The following GARNL3 variants were observed in gnomAD, a reference collection of about 807,000 sequenced individuals.
The protein encoded by GARNL3 is GTPase activating Rap/RanGAP domain like 3, also known as GTPase-activating Rap/Ran-GAP domain-like protein 3.
A neutral mutation model predicts 125.0 loss-of-function variants in GARNL3; 63 were observed. The observed-to-expected ratio is 0.50, with a 90% confidence interval of 0.41 to 0.62. GARNL3 has a LOEUF of 0.62. GARNL3 is among the 20% of genes least tolerant of loss of function. The pLI is 0.00. For missense variants in GARNL3, 994 were observed against 1,244.0 expected, an observed-to-expected ratio of 0.80 and a Z score of 3.02; for synonymous variants, 439 against 457.5, an observed-to-expected ratio of 0.96 and a Z score of 0.52.
chr9:127,224,993 A>G (rs1588643189), intron 1 of GARNL3, among the ~76,000 whole-genome samples: 1 of 45,456 alleles, frequency 2.2e-5, no homozygotes, highest in Non-Finnish European at 4.3e-5. Context: ...TGGAGTTGGG[A>G]GCGGGGCCGG....
chr9:127,264,964 A>G lies in GARNL3; in HGVS notation c.87A>G (p.Glu29=), dbSNP rs146056128. 79 of 1,613,362 alleles carry G rather than the reference A, an allele frequency of 4.9e-5. 1 individual carries two copies. In the African/African-American group the frequency reaches 9.6e-4, roughly 20 times the overall value. The part of the protein sequence containing the change: ...MKHFCSSSVS[E]DLGCRRGDFS... Reference sequence around the variant, plus strand: ...ATTTTTGTTCCAGCTCTGTCTCGGAAGACCTAGGCTGTAGACGTGGGGATT... The same window carrying G: ...ATTTTTGTTCCAGCTCTGTCTCGGAGGACCTAGGCTGTAGACGTGGGGATT... The change falls in exon 1 of 28, where the codon GAA becomes GAG. Residue 29 remains glutamate (E), a synonymous_variant. Coordinates refer to ENST00000373387, the MANE Select transcript of GARNL3 (RefSeq NM_032293.5).
chr9:127,357,343 A>G lies in GARNL3; in HGVS notation c.2060A>G (p.Glu687Gly), dbSNP rs370268244. 6.2e-7 allele frequency: 1 copy of G among 1,614,140 alleles called. No homozygotes were observed. Among genetic ancestry groups the G allele is most frequent in the Non-Finnish European group, 8.5e-7 (1 of 1,180,032 alleles). ...GATGTGGTGAATGAGAGCACAGGAG[A>G]AGCCTTCAGGCTGCACCACGTGGAG... ...QFDVVNESTGEAFRLHHVEAN... is the reference protein window; with the variant it reads ...QFDVVNESTGGAFRLHHVEAN... The change falls in exon 21 of 28, where the codon GAA becomes GGA. Residue 687 changes from glutamate to glycine, a missense_variant. This residue lies in a region of GARNL3 where 728 missense variants were observed against 865.7 expected (regional missense o/e 0.84). Transcript: ENST00000373387.
intron 19 of GARNL3, among the ~76,000 whole-genome samples, 189 bp from the exon 20 acceptor site, chr9:127,355,108 T>C (rs1053446973): frequency 6.6e-6 from 1 of 152,220 alleles, no homozygotes; most frequent in Admixed American, 6.5e-5. Flanking sequence ...TAGGACTTTC[T>C]TAATTTTCCT....
chr9:127,342,892 C>CTTTTTT (rs59554997), intron 14 of GARNL3, among the ~76,000 whole-genome samples: 3 of 81,584 alleles, frequency 3.7e-5, no homozygotes, highest in Non-Finnish European at 5.2e-5. Flanking sequence ...GTGCTCTTTT[C>CTTTTTT]TTTTTTTTTT....
chr9:127,291,053 T>C (rs2064400152), intron 1 of GARNL3, 115 bp from the exon 2 acceptor site: 2 of 1,026,488 alleles, frequency 1.9e-6, no homozygotes, highest in African/African-American at 1.6e-5. Flanking sequence ...ACTGTTAGCT[T>C]CTAGGCTGGG....
intron 17 of GARNL3, among the ~76,000 whole-genome samples, chr9:127,353,027 C>G (rs1056297544): frequency 1.3e-5 from 2 of 152,230 alleles, no homozygotes; most frequent in Middle Eastern, 3.4e-3. Flanking sequence ...AATGGAACAG[C>G]CTTAGTAATT....
chr9:127,360,243 A>G (rs1379706426), intron 21 of GARNL3, among the ~76,000 whole-genome samples: 1 of 152,072 alleles, frequency 6.6e-6, no homozygotes, highest in Non-Finnish European at 1.5e-5. Flanking sequence ...GGATGGTCTC[A>G]ATCTCCTGAC....
upstream of GARNL3, chr9:127,263,739 G>T: frequency 1.7e-6 from 2 of 1,194,298 alleles, no homozygotes; most frequent in South Asian, 7.8e-5. Context: ...CCCATTTTCA[G>T]CTAAGAGAGG....
intron 21 of GARNL3, chr9:127,363,876 T>G (rs1019534803): frequency 6.6e-6 from 1 of 152,252 alleles, no homozygotes; most frequent in Non-Finnish European, 1.5e-5. Flanking sequence ...TAGCCTTCAC[T>G]GAGTGCTCAT....
chr9:127,390,766 A>G lies in GARNL3; in HGVS notation c.2869A>G (p.Arg957Gly). Residue 957 changes from arginine (R) to glycine (G), a missense_variant and splice_region_variant, in exon 27 of 28, where the codon AGG (arginine) becomes GGG (glycine). Coordinates refer to ENST00000373387, the MANE Select transcript of GARNL3 (RefSeq NM_032293.5). ...PGAVRSSSSDRIPSGSLESAS... is the reference protein window; with the variant it reads ...PGAVRSSSSDGIPSGSLESAS... ...GGCAGTGAGGTCATCTAGCAGTGAC[A>G]GGTAAAGAGAGGGAGAGGCCCCTGC... 9 of 1,612,604 alleles carry G rather than the reference A, an allele frequency of 5.6e-6. No homozygotes were observed. The highest frequency in any genetic ancestry group is 7.6e-6 in the Non-Finnish European group (9 of 1,179,142).
chr9:127,340,307 C>CG (rs1334114294), intron 13 of GARNL3, among the ~76,000 whole-genome samples: 1 of 152,144 alleles, frequency 6.6e-6, no homozygotes, highest in East Asian at 1.9e-4. Context: ...CCCAAATACC[C>CG]GACTCTGAGG....
In GARNL3 at chr9:127,246,072, G is replaced by A. The variant is rs985247911; in HGVS notation, c.143+2823G>A. Reference sequence around the variant, plus strand: ...CAGTACCTCAAAGACCTACTTTGAAGTTGGTGCTTCTTAGGGAGTGGTGGG... The same window carrying A: ...CAGTACCTCAAAGACCTACTTTGAAATTGGTGCTTCTTAGGGAGTGGTGGG... On this transcript the variant is annotated intron_variant, in intron 2 of 10. Transcript: ENST00000439286. Among the ~76,000 whole-genome samples, 5 of 152,338 alleles carry A rather than the reference G, an allele frequency of 3.3e-5. No homozygotes were observed. In the East Asian group the frequency reaches 9.6e-4, roughly 29 times the overall value.
In GARNL3 at chr9:127,284,622, G is replaced by T. The variant is rs570084618; in HGVS notation, c.145-6546G>T. ...TTTTTTGTTTGATAATAAAAGCATT[G>T]AAAATGTGAATTTTTCTGTAAATAT... On this transcript the variant is annotated intron_variant, in intron 1 of 27. Coordinates refer to ENST00000373387, the MANE Select transcript of GARNL3 (RefSeq NM_032293.5). 2.6e-5 allele frequency among the ~76,000 whole-genome samples: 4 copies of T among 151,846 alleles called. No individual in the cohort carries two copies. The South Asian group carries it at 8.4e-4, about 32-fold the overall frequency.
chr9:127,349,172 T>C (rs894185962), intron 17 of GARNL3, 137 bp downstream of exon 17: 29 of 676,158 alleles, frequency 4.3e-5, no homozygotes, highest in Non-Finnish European at 6.6e-5. Flanking sequence ...TATTTCCTTA[T>C]GAAATTAAAC....
chr9:127,338,409 G>T (rs967619743), intron 12 of GARNL3, among the ~76,000 whole-genome samples: 1 of 152,114 alleles, frequency 6.6e-6, no homozygotes, highest in Non-Finnish European at 1.5e-5. Flanking sequence ...ATGGGAACAG[G>T]TTTGATATAT....
At chr9:127,346,987 C>G (rs970696564) in intron 16 of GARNL3, among the ~76,000 whole-genome samples, 5 of 152,220 alleles carry the variant, frequency 3.3e-5, no homozygotes, top group African/African-American at 1.2e-4. Flanking sequence ...CAAACACTGT[C>G]TGTCGTCAGA....
chr9:127,340,193 CAT>C (rs2131602607), intron 13 of GARNL3, among the ~76,000 whole-genome samples: 1 of 152,236 alleles, frequency 6.6e-6, no homozygotes, highest in Non-Finnish European at 1.5e-5. Flanking sequence ...CACCCATGCA[CAT>C]GTGTGGGAAA....
chr9:127,248,495 G>T (rs1447253908), intron 2 of GARNL3, among the ~76,000 whole-genome samples: 3 of 151,968 alleles, frequency 2.0e-5, no homozygotes, highest in Non-Finnish European at 2.9e-5. Context: ...GTAAACTTGT[G>T]GGAAGTAGTA....
chr9:127,288,629 T>G (rs1466525740), intron 1 of GARNL3, among the ~76,000 whole-genome samples: 1 of 152,216 alleles, frequency 6.6e-6, no homozygotes, highest in Non-Finnish European at 1.5e-5. Flanking sequence ...CAAAGGGAGC[T>G]GAATTTCTTT....
Sources: allele counts gnomAD v4.1 joint callset (sites outside exome capture counted in the v4.1 genomes callset), GRCh38; gene constraint gnomAD v4.1.1; regional missense constraint gnomAD v4.1.1; transcripts MANE v1.5; gene names NCBI Gene and HGNC (gene_info 2026-07-23, HGNC 2026-07-21).